The following HAS3 variants were observed in gnomAD, a reference collection of about 807,000 sequenced individuals.
HAS3 encodes the protein hyaluronan synthase 3.
HAS3 carries 27 observed loss-of-function variants against 50.3 expected under a neutral mutation model. The ratio of observed to expected loss-of-function variants is 0.54; its 90% CI spans 0.40 to 0.74. The LOEUF is 0.74. Ranked by LOEUF, HAS3 falls within the 30% of genes least tolerant of loss-of-function variation. The pLI, the probability that HAS3 is intolerant of heterozygous loss-of-function variation, is 0.00. For synonymous variants in HAS3, 339 were observed against 310.9 expected (o/e 1.09, Z -0.95); for missense variants, 517 against 742.8 (o/e 0.70, Z 3.53).
chr16:69,107,876 G>C lies in HAS3; in HGVS notation c.1-1520G>C, dbSNP rs1009475455. ...GCCCGGAGGCCGCGCTTCCCGGAGA[G>C]GCTAGGCTGCCAGCAGCTCTTTTCG... is the stretch of plus-strand genomic sequence containing the variant. On this transcript the variant is annotated intron_variant, in intron 1 of 3. Coordinates refer to ENST00000569188, the MANE Select transcript of HAS3 (RefSeq NM_001199280.2). This position sits in a 1 kb window ranked among gnomAD's most constrained non-coding sequence, Gnocchi z 5.5. Among the ~76,000 whole-genome samples, 2 of 152,240 alleles carry C rather than the reference G, an allele frequency of 1.3e-5. No homozygotes were observed. Among genetic ancestry groups the C allele is most frequent in the African/African-American group, 4.8e-5 (2 of 41,464 alleles).
chr16:69,109,340 C>T lies in HAS3; in HGVS notation c.1-56C>T, dbSNP rs187208391. 6.8e-5 allele frequency: 105 copies of T among 1,538,870 alleles called. No individual in the cohort carries two copies. In the African/African-American group the frequency reaches 1.2e-3, roughly 17 times the overall value. ...GTAACAGAGAACACCCATGCTCCCA[C>T]GGACTGGAAATGCTGCCTCCTGCCT... On this transcript the variant is annotated intron_variant, in intron 1 of 3. Transcript: ENST00000569188. This position sits in a 1 kb window ranked among gnomAD's most constrained non-coding sequence, Gnocchi z 5.3.
the HAS3 span, chr16:69,083,569 G>A: frequency 1.2e-6 from 2 of 1,607,586 alleles, no homozygotes; most frequent in Middle Eastern, 1.6e-4. Context: ...CAAGCTCCAT[G>A]CCCAGTTGGC....
chr16:69,090,435 GTCTC>G, the HAS3 span, among the ~76,000 whole-genome samples: 3,656 of 152,200 alleles, frequency 0.024, 148 homozygotes, highest in African/African-American at 0.083. Context: ...TTTGGAGACA[GTCTC>G]TCTCTGTCAC....
At position 69,107,602 on chromosome 16, in the gene HAS3, C is replaced by T. The variant is rs1960850122; in HGVS notation, c.1-1794C>T. 4.1e-6 allele frequency: 4 copies of T among 985,440 alleles called. No individual in the cohort carries two copies. The African/African-American group carries it at 5.2e-5, about 13-fold the overall frequency. The allele number at this position is 985,440 out of a possible 1,614,324, so 61.0% of individuals were successfully genotyped here. On this transcript the variant is annotated intron_variant, in intron 1 of 3. Transcript: ENST00000569188. This position sits in a 1 kb window ranked among gnomAD's most constrained non-coding sequence, Gnocchi z 5.5. ...CCTCCGGCACTGCACCGAGGCGGGGCGCCAGCGCCCAGGTTGCTGGGCTGG... is the reference window on the plus strand; with the variant it reads ...CCTCCGGCACTGCACCGAGGCGGGGTGCCAGCGCCCAGGTTGCTGGGCTGG...
At chr16:69,087,110 G>A in the HAS3 span, among the ~76,000 whole-genome samples, 2 of 151,852 alleles carry the variant, frequency 1.3e-5, no homozygotes, top group African/African-American at 2.4e-5. Flanking sequence ...CACCTTCGGC[G>A]TCCTCCACCA....
At chr16:69,110,054 G>GT in intron 2 of HAS3, 23 bp downstream of exon 2, 1 of 1,581,980 alleles carries the variant, frequency 6.3e-7, no homozygotes, top group Non-Finnish European at 8.6e-7. Flanking sequence ...CCCTAGGAGC[G>GT]TGTGTACATG....
Position 69,116,967 on chromosome 16 carries a change from A to G in HAS3, c.*1701A>G, listed in dbSNP as rs942675838. ...GGTGTGCTCTGAGCCACAGATGGGC[A>G]AACCCTGGTGCTTTCCTTCATCTCC... On this transcript the variant is annotated 3_prime_UTR_variant, in exon 4 of 4. Transcript: ENST00000569188. 1.1e-5 allele frequency: 11 copies of G among 985,350 alleles called. No homozygotes were observed. Among genetic ancestry groups the G allele is most frequent in the African/African-American group, 7.0e-5 (4 of 57,248 alleles). 61.0% of individuals were successfully genotyped at this position (985,350 alleles called of 1,614,324 possible).
chr16:69,098,494 C>T, the HAS3 span, among the ~76,000 whole-genome samples: 1 of 152,008 alleles, frequency 6.6e-6, no homozygotes, highest in South Asian at 2.1e-4. Flanking sequence ...CCTCCCACTT[C>T]AGCCTCCTGA....
At position 69,117,158 on chromosome 16, in the gene HAS3, A is replaced by T; in HGVS notation, c.*1892A>T. 1.0e-6 allele frequency: 1 copy of T among 985,888 alleles called. No homozygotes were observed. The highest frequency in any genetic ancestry group is 1.2e-6 in the Non-Finnish European group (1 of 829,936). The allele number at this position is 985,888 out of a possible 1,614,324, so 61.1% of individuals were successfully genotyped here. On this transcript the variant is annotated 3_prime_UTR_variant, in exon 4 of 4. Coordinates refer to ENST00000569188, the MANE Select transcript of HAS3 (RefSeq NM_001199280.2). ...CAGGCAATCGTTCTGCTGGCCAAGAAGTTAAACTATTTTGAGCATTAGAAT... is the reference window on the plus strand; with the variant it reads ...CAGGCAATCGTTCTGCTGGCCAAGATGTTAAACTATTTTGAGCATTAGAAT...
Position 69,117,606 on chromosome 16 carries a change from A to C in HAS3, c.*2340A>C. The C allele has an allele frequency of 1.2e-6, 1 of 843,298 alleles. No homozygotes were observed. The highest frequency in any genetic ancestry group is 1.4e-6 in the Non-Finnish European group (1 of 702,886). 52.2% of individuals were successfully genotyped at this position (843,298 alleles called of 1,614,324 possible). A position where few individuals can be genotyped will look rare whatever the true frequency, so the allele number is the denominator to read the frequency against. ...TTTTTTTTTTTTAATTTTCAGGTCAAGTTTTTTATACTGCACTTATTTGTC... is the reference window on the plus strand; with the variant it reads ...TTTTTTTTTTTTAATTTTCAGGTCACGTTTTTTATACTGCACTTATTTGTC... On this transcript the variant is annotated 3_prime_UTR_variant, in exon 4 of 4. Coordinates refer to ENST00000569188, the MANE Select transcript of HAS3 (RefSeq NM_001199280.2).
the HAS3 span, among the ~76,000 whole-genome samples, chr16:69,095,125 G>A: frequency 6.6e-6 from 1 of 151,890 alleles, no homozygotes; most frequent in Non-Finnish European, 1.5e-5. Flanking sequence ...GGGATTACAG[G>A]CACGCGTCAC....
At position 69,116,297 on chromosome 16, in the gene HAS3, G is replaced by A. The variant is rs965150356; in HGVS notation, c.*1031G>A. The stretch of plus-strand genomic sequence containing the variant: ...AGGTGGCAATTGGGGCGGAGCCCCG[G>A]CTCTTATAGAAGCTTCAGCAGGAGG... On this transcript the variant is annotated 3_prime_UTR_variant, in exon 4 of 4. Transcript: ENST00000569188. The A allele has an allele frequency of 2.9e-5, 29 of 985,460 alleles. No homozygotes were observed. The highest frequency in any genetic ancestry group is 2.9e-5 in the Non-Finnish European group (24 of 829,732). The allele number at this position is 985,460 out of a possible 1,614,324, so 61.0% of individuals were successfully genotyped here.
chr16:69,107,927 G>T lies in HAS3; in HGVS notation c.1-1469G>T, dbSNP rs1960863109. Among the ~76,000 whole-genome samples the T allele has an allele frequency of 6.6e-6, 1 of 152,256 alleles. No individual in the cohort carries two copies. ...GGCCAACGCTGCTGGAAGGCTGCTA[G>T]TGCCGGAGTCTCAGGTCGATTTAGG... On this transcript the variant is annotated intron_variant, in intron 1 of 3. Transcript: ENST00000569188. This position sits in a 1 kb window ranked among gnomAD's most constrained non-coding sequence, Gnocchi z 5.5.
rs770925236 is a variant in HAS3 at position 69,115,267 on chromosome 16, C to T, written c.*1C>T. 37 of 1,515,788 alleles carry T rather than the reference C, an allele frequency of 2.4e-5. 1 individual carries two copies. Among genetic ancestry groups the T allele is most frequent in the Non-Finnish European group, 3.3e-5 (37 of 1,134,110 alleles). The allele number at this position is 1,515,788 out of a possible 1,614,324, so 93.9% of individuals were successfully genotyped here. A position where few individuals can be genotyped will look rare whatever the true frequency, so the allele number is the denominator to read the frequency against. On this transcript the variant is annotated 3_prime_UTR_variant, in exon 4 of 4. Transcript: ENST00000569188. ...CAGCTTGGCTTTTGCTGAGGTGTGA[C>T]ATGGCCCCCAAGCAGAGCGGGTAAA...
Position 69,114,732 on chromosome 16 carries a change from C to T in HAS3, c.1128C>T (p.His376=), listed in dbSNP as rs1961123570. 6.2e-7 allele frequency: 1 copy of T among 1,614,140 alleles called. No individual in the cohort carries two copies. Among genetic ancestry groups the T allele is most frequent in the Non-Finnish European group, 8.5e-7 (1 of 1,180,016 alleles). Residue 376 remains histidine (H), a synonymous_variant, in exon 4 of 4, where the codon CAC becomes CAT. Coordinates refer to ENST00000569188, the MANE Select transcript of HAS3 (RefSeq NM_001199280.2). This position sits in a 1 kb window ranked among gnomAD's most constrained non-coding sequence, Gnocchi z 6.4. ...LYNSLWFHKH[H]LWMTYESVVT... ...ACTCTCTGTGGTTCCATAAGCACCA[C>T]CTCTGGATGACCTACGAGTCAGTGG...
upstream of HAS3, among the ~76,000 whole-genome samples, chr16:69,104,239 C>G (rs1457575762): frequency 6.6e-6 from 1 of 151,102 alleles, no homozygotes; most frequent in East Asian, 2.0e-4. Flanking sequence ...TACAGGCACA[C>G]TCCACCATGC....
chr16:69,097,060 G>A, the HAS3 span, among the ~76,000 whole-genome samples: 1 of 152,098 alleles, frequency 6.6e-6, no homozygotes, highest in African/African-American at 2.4e-5. Flanking sequence ...GCTAAGGTGG[G>A]AGGATCCCTT....
chr16:69,116,343 A>C lies in HAS3; in HGVS notation c.*1077A>C. The C allele has an allele frequency of 4.1e-6, 4 of 985,842 alleles. No homozygotes were observed. The highest frequency in any genetic ancestry group is 4.8e-6 in the Non-Finnish European group (4 of 829,910). 61.1% of individuals were successfully genotyped at this position (985,842 alleles called of 1,614,324 possible). ...GGAGGCAAGCGTGTTCTCAGCACAT[A>C]TGGGAACTATGAGGAGCCTCTGATC... On this transcript the variant is annotated 3_prime_UTR_variant, in exon 4 of 4. Transcript: ENST00000569188.
At chr16:69,110,126 CT>C (rs1960951144) in intron 2 of HAS3, 95 bp downstream of exon 2, 1 of 1,290,776 alleles carries the variant, frequency 7.7e-7, no homozygotes, top group East Asian at 2.4e-5. Flanking sequence ...GTCTAGGTCC[CT>C]TGGGTTGTGC....
Sources: gnomAD v4.1 joint callset for allele counts (sites outside exome capture counted in the v4.1 genomes callset) on GRCh38, gnomAD v4.1.1 for gene constraint, Gnocchi (gnomAD v3.1) non-coding constraint, MANE v1.5 for transcripts, NCBI Gene and HGNC (gene_info 2026-07-23, HGNC 2026-07-21) for gene names.